Variants in CASKIN2 observed in about 807,000 individuals in gnomAD.
The protein encoded by CASKIN2 is caskin-2.
CASKIN2 carries 41 observed loss-of-function variants against 107.1 expected under a neutral mutation model. The ratio of observed to expected loss-of-function variants is 0.38; its 90% confidence interval spans 0.30 to 0.50. The LOEUF is 0.50. Among genes scored for constraint, CASKIN2 ranks in the 20% least tolerant of loss-of-function variants. CASKIN2 has a pLI of 0.92. For synonymous variants in CASKIN2, 724 were observed against 705.6 expected (o/e 1.03, Z -0.41); for missense variants, 1,546 against 1,657.4 (o/e 0.93, Z 1.17).
At chr17:75,503,367 C>G (rs1215070496) in intron 17 of CASKIN2, 22 bp downstream of exon 17, 18 of 1,602,784 alleles carry the variant, frequency 1.1e-5, no homozygotes, top group Non-Finnish European at 1.5e-5. Flanking sequence ...GGGGCCCAGC[C>G]AGGCCTCAGG....
At position 75,514,185 on chromosome 17, in the gene CASKIN2, C is replaced by T. The variant is rs1284667119; in HGVS notation, c.-381G>A. On this transcript the variant is annotated 5_prime_UTR_variant, in exon 2 of 20. Transcript: ENST00000321617. Reference sequence around the variant, plus strand: ...CAGCATTCCCTTGGGCCTCAGGCAGCAGCGGTGCACTGGTCTCAGGGCTCT... The same window carrying T: ...CAGCATTCCCTTGGGCCTCAGGCAGTAGCGGTGCACTGGTCTCAGGGCTCT... 2.0e-5 allele frequency: 10 copies of T among 504,128 alleles called. No individual in the cohort carries two copies. In the East Asian group the frequency reaches 3.0e-4, roughly 15 times the overall value. The allele number at this position is 504,128 out of a possible 1,614,324, so 31.2% of individuals were successfully genotyped here. A position where few individuals can be genotyped will look rare whatever the true frequency, so the allele number is the denominator to read the frequency against.
intron 3 of CASKIN2, 81 bp downstream of exon 3, chr17:75,508,153 G>T: frequency 6.8e-7 from 1 of 1,467,904 alleles, no homozygotes; most frequent in South Asian, 1.2e-5. Context: ...TGGGCCTCAG[G>T]ATCTTTCCCT....
At chr17:75,509,470 A>C (rs925438118) in intron 2 of CASKIN2, 21 of 602,626 alleles carry the variant, frequency 3.5e-5, no homozygotes, top group Non-Finnish European at 4.4e-5. Flanking sequence ...ACAGGGAGGG[A>C]GGGGACAGCT....
At chr17:75,515,048 C>G (rs9807061) in intron 1 of CASKIN2, among the ~76,000 whole-genome samples, 1 of 152,192 alleles carries the variant, frequency 6.6e-6, no homozygotes. Context: ...ACTCCCCAAA[C>G]GTCCCAAGCC....
Position 75,506,502 on chromosome 17 carries a change from A to C in CASKIN2, c.617+81T>G. 2 of 1,589,108 alleles carry C rather than the reference A, an allele frequency of 1.3e-6. No individual in the cohort carries two copies. Among genetic ancestry groups the C allele is most frequent in the Non-Finnish European group, 1.7e-6 (2 of 1,164,826 alleles). On this transcript the variant is annotated intron_variant, in intron 7 of 19. Coordinates refer to ENST00000321617, the MANE Select transcript of CASKIN2 (RefSeq NM_020753.5). This position sits in a 1 kb window ranked among gnomAD's most constrained non-coding sequence, Gnocchi z 4.8. Reference sequence around the variant, plus strand: ...CTGGGAGATGGAGAGCCCGGGTGAAAAGGGCAGTGGGGGAGAGCACTGAGG... The same window carrying C: ...CTGGGAGATGGAGAGCCCGGGTGAACAGGGCAGTGGGGGAGAGCACTGAGG...
At chr17:75,513,564 C>T in intron 2 of CASKIN2, 147 bp downstream of exon 2, 1 of 693,040 alleles carries the variant, frequency 1.4e-6, no homozygotes, top group East Asian at 2.7e-5. Flanking sequence ...TTCTCTCTGG[C>T]TCTCTCACAC....
Position 75,507,678 on chromosome 17 carries a change from G to A in CASKIN2, c.150C>T (p.Phe50=), listed in dbSNP as rs1248990543. 3 of 1,611,148 alleles carry A rather than the reference G, an allele frequency of 1.9e-6. No homozygotes were observed. Among genetic ancestry groups the A allele is most frequent in the Non-Finnish European group, 2.5e-6 (3 of 1,178,452 alleles). The change falls in exon 4 of 20, where the codon TTC becomes TTT. Residue 50 remains phenylalanine (F), a synonymous_variant. Coordinates refer to ENST00000321617, the MANE Select transcript of CASKIN2 (RefSeq NM_020753.5). ...CCAAAGCAGCGTGGTGGAGGGCAGA[G>A]AATCTGATGTGGGAGGACACAAAGT... is the stretch of plus-strand genomic sequence containing the variant. The part of the protein sequence containing the change: ...LNVNYQDADG[F]SALHHAALGG...
In CASKIN2 at chr17:75,502,770, T is replaced by C. The variant is rs1376530365; in HGVS notation, c.2304A>G (p.Pro768=). ...CCCAGGGTGCGCCAGGAGGTGGCCC[T>C]GGGGCCGGGCTAGAGGGTGAGCCCT... ...YPQGSPSSPA[P]GPPPGAPWAF... The change falls in exon 18 of 20, where the codon CCA becomes CCG. Residue 768 remains proline (P), a synonymous_variant. Coordinates refer to ENST00000321617, the MANE Select transcript of CASKIN2 (RefSeq NM_020753.5). The surrounding 1 kb of genome is among the most constrained non-coding windows in gnomAD (Gnocchi z 4.3). 2.7e-5 allele frequency: 43 copies of C among 1,590,612 alleles called. No individual in the cohort carries two copies. The highest frequency in any genetic ancestry group is 3.5e-5 in the Non-Finnish European group (41 of 1,169,406).
In CASKIN2 at chr17:75,503,153, T is replaced by C. The variant is rs372459726; in HGVS notation, c.1921A>G (p.Lys641Glu). ...ALSEGGRRLA[K>E]GPELMAIEGL... ...TCGATGGCCATCAGCTCCGGACCCT[T>C]GGCCAGCCGGCGCCCGCCTTCGCTG... Residue 641 changes from lysine (K) to glutamate (E), a missense_variant, in exon 18 of 20, where the codon AAG (lysine) becomes GAG (glutamate). By Grantham distance (56) the Lys-to-Glu change is moderately conservative. Transcript: ENST00000321617. The C allele has an allele frequency of 5.0e-6, 8 of 1,604,322 alleles. No homozygotes were observed. The African/African-American group carries it at 9.4e-5, about 19-fold the overall frequency.
At position 75,503,175 on chromosome 17, in the gene CASKIN2, G is replaced by A. The variant is rs551316249; in HGVS notation, c.1899C>T (p.Ser633=). ...RRGLLQGEAL[S]EGGRRLAKGP... is the part of the protein sequence containing the mutation. Reference sequence around the variant, plus strand: ...CCTTGGCCAGCCGGCGCCCGCCTTCGCTGAGGGCCTCCCCCTGCAGCAGGC... The same window carrying A: ...CCTTGGCCAGCCGGCGCCCGCCTTCACTGAGGGCCTCCCCCTGCAGCAGGC... Residue 633 remains serine, a synonymous_variant, in exon 18 of 20, where the codon AGC becomes AGT. Transcript: ENST00000321617. 3.4e-5 allele frequency: 54 copies of A among 1,602,400 alleles called. 1 individual carries two copies. Among genetic ancestry groups the A allele is most frequent in the African/African-American group, 3.3e-4 (25 of 74,942 alleles).
chr17:75,502,047 G>A lies in CASKIN2; in HGVS notation c.3027C>T (p.Phe1009=), dbSNP rs753890852. 18 of 1,612,474 alleles carry A rather than the reference G, an allele frequency of 1.1e-5. No individual in the cohort carries two copies. The highest frequency in any genetic ancestry group is 3.3e-5 in the Admixed American group (2 of 59,992). Residue 1009 remains phenylalanine, a synonymous_variant, in exon 18 of 20, where the codon TTC becomes TTT. Coordinates refer to ENST00000321617, the MANE Select transcript of CASKIN2 (RefSeq NM_020753.5). The surrounding 1 kb of genome is among the most constrained non-coding windows in gnomAD (Gnocchi z 4.3). ...GGCCAGGCGTGGCACTGGCCACTCC[G>A]AAGGCCAGCAGTGCGGTCTGCAGTG... is the stretch of plus-strand genomic sequence containing the variant. ...REPLQTALLA[F]GVASATPGPA...
chr17:75,507,023 G>T lies in CASKIN2; in HGVS notation c.351C>A (p.Ile117=), dbSNP rs1030388601. The change falls in exon 5 of 20, where the codon ATC becomes ATA. Residue 117 remains isoleucine (I), a synonymous_variant. Transcript: ENST00000321617. ...CATACTGTGCAGCCAGGTGCAGGGG[G>T]ATCTGTCCGTCCAGCGAGGCGGCAT... The part of the protein sequence containing the change: ...AVNAASLDGQ[I]PLHLAAQYGH... The T allele has an allele frequency of 3.7e-6, 6 of 1,612,976 alleles. No individual in the cohort carries two copies. Among genetic ancestry groups the T allele is most frequent in the East Asian group, 4.5e-5 (2 of 44,892 alleles).
chr17:75,510,399 A>G (rs949851247), intron 2 of CASKIN2, among the ~76,000 whole-genome samples: 4 of 152,084 alleles, frequency 2.6e-5, no homozygotes, highest in Admixed American at 1.3e-4. Flanking sequence ...CCCAGAAGAA[A>G]AAAGGGGAGT....
rs199515830 is a variant in CASKIN2, at chr17:75,504,346, A to C, written c.1376-40T>G. On this transcript the variant is annotated intron_variant, in intron 13 of 19. Transcript: ENST00000321617. ...AAAAATGGAATGGAAAGGTGGCAGG[A>C]GGAAGGGGTGCCCACCCTCGGCCTC... The C allele has an allele frequency of 2.3e-4, 369 of 1,597,330 alleles. 3 individuals carry two copies. The East Asian group carries it at 8.1e-3, about 35-fold the overall frequency.
At chr17:75,510,006 G>A in intron 2 of CASKIN2, 1 of 773,380 alleles carries the variant, frequency 1.3e-6, no homozygotes, top group African/African-American at 1.9e-5. Flanking sequence ...GGGGACCCTG[G>A]CAGGAGGGCA....
In CASKIN2 at chr17:75,506,459, G is replaced by A. The variant is rs1598467061; in HGVS notation, c.618-46C>T. 1 of 1,570,940 alleles carries A rather than the reference G, an allele frequency of 6.4e-7. No individual in the cohort carries two copies. Among genetic ancestry groups the A allele is most frequent in the Non-Finnish European group, 8.7e-7 (1 of 1,151,112 alleles). ...CACGGGGGAGGTGGCGTAGGAGGGG[G>A]TGCTGACTGCTGGGGGCCTGGGAGA... On this transcript the variant is annotated intron_variant, in intron 7 of 19. Coordinates refer to ENST00000321617, the MANE Select transcript of CASKIN2 (RefSeq NM_020753.5). The surrounding 1 kb of genome is among the most constrained non-coding windows in gnomAD (Gnocchi z 4.8).
Position 75,502,633 on chromosome 17 carries a change from TC to T in CASKIN2, c.2440del (p.Glu814ArgfsTer10). ...GGTGCTGCCCACTGGCCCTTCGGCC[TC>T]CCCCTCAGCATCCCCCTCTGTGGGG... is the stretch of plus-strand genomic sequence containing the variant. ...PGPTEGDAEG[E>X]AEGPVGSTLG... On this transcript the variant is annotated frameshift_variant, in exon 18 of 20. Transcript: ENST00000321617. LOFTEE classifies it high-confidence loss of function. The surrounding 1 kb of genome is among the most constrained non-coding windows in gnomAD (Gnocchi z 4.3). The T allele has an allele frequency of 6.2e-7, 1 of 1,600,594 alleles. No homozygotes were observed. Among genetic ancestry groups the T allele is most frequent in the Non-Finnish European group, 8.5e-7 (1 of 1,175,278 alleles).
Position 75,503,264 on chromosome 17 carries a change from G to C in CASKIN2, c.1820-10C>G. The C allele has an allele frequency of 6.3e-7, 1 of 1,579,234 alleles. No individual in the cohort carries two copies. Among genetic ancestry groups the C allele is most frequent in the Non-Finnish European group, 8.6e-7 (1 of 1,162,608 alleles). ...AGCTTCTTCTGATGCCCTGAGATGG[G>C]GGACGGAAGTGGCAAGGTTAGCTGG... is the stretch of plus-strand genomic sequence containing the variant. On this transcript the variant is annotated splice_polypyrimidine_tract_variant and intron_variant, in intron 17 of 19. Coordinates refer to ENST00000321617, the MANE Select transcript of CASKIN2 (RefSeq NM_020753.5).
Position 75,503,184 on chromosome 17 carries a change from C to T in CASKIN2, c.1890G>A (p.Glu630=). The T allele has an allele frequency of 6.2e-7, 1 of 1,602,006 alleles. No homozygotes were observed. Residue 630 remains glutamate (E), a synonymous_variant, in exon 18 of 20, where the codon GAG becomes GAA. Transcript: ENST00000321617. ...AELRRGLLQG[E]ALSEGGRRLA... ...GCCGGCGCCCGCCTTCGCTGAGGGC[C>T]TCCCCCTGCAGCAGGCCCCGCCGAA...
Sources: gnomAD v4.1 joint callset for allele counts (sites outside exome capture counted in the v4.1 genomes callset) on GRCh38, gnomAD v4.1.1 for gene constraint, Gnocchi (gnomAD v3.1) non-coding constraint, MANE v1.5 for transcripts, NCBI Gene and HGNC (gene_info 2026-07-23, HGNC 2026-07-21) for gene names.